The following TRPC4 variants were observed in gnomAD, a reference collection of about 807,000 sequenced individuals.
TRPC4 encodes transient receptor potential cation channel subfamily C member 4.
A neutral mutation model predicts 99.4 loss-of-function variants in TRPC4; 49 were observed. The ratio of observed to expected loss-of-function variants is 0.49; its 90% CI spans 0.39 to 0.63. TRPC4 has a LOEUF of 0.63. Among genes scored for constraint, TRPC4 ranks in the 20% least tolerant of loss-of-function variants. The probability of loss-of-function intolerance (pLI) is 0.00; values close to 1 mark genes in which losing one functional copy is unlikely to be tolerated. For missense variants in TRPC4, 898 were observed against 1,152.9 expected, an observed-to-expected ratio of 0.78 and a Z score of 3.20; for synonymous variants, 454 against 425.9, an observed-to-expected ratio of 1.07 and a Z score of -0.81.
At position 37,637,100 on chromosome 13, in the gene TRPC4, C is replaced by T. The variant is rs775168860; in HGVS notation, c.2737G>A (p.Glu913Lys). 5.5e-5 allele frequency: 89 copies of T among 1,613,636 alleles called. No individual in the cohort carries two copies. Among genetic ancestry groups the T allele is most frequent in the Non-Finnish European group, 7.4e-5 (87 of 1,179,808 alleles). The change falls in exon 11 of 11, where the codon GAA becomes AAA. Residue 913 changes from glutamate to lysine, a missense_variant. Physicochemically the swap from Glu to Lys is moderately conservative, Grantham distance 56 (BLOSUM62 1). Transcript: ENST00000379705. Reference protein sequence around the residue: ...SEQCVLVDHRERNTDTLGLQV... With the variant: ...SEQCVLVDHRKRNTDTLGLQV... ...AACCCCAGTGTGTCCGTATTCCTTT[C>T]TCTATGGTCTACTAACACACATTGT...
At chr13:37,791,657 A>G (rs1270239027) in intron 1 of TRPC4, among the ~76,000 whole-genome samples, 4 of 152,098 alleles carry the variant, frequency 2.6e-5, no homozygotes, top group Admixed American at 2.0e-4. Flanking sequence ...TAGCAAACAT[A>G]ATAATTATAA....
Position 37,741,802 on chromosome 13 carries a change from G to C in TRPC4, c.897+4135C>G, listed in dbSNP as rs191466142. 6.6e-4 allele frequency among the ~76,000 whole-genome samples: 100 copies of C among 152,148 alleles called. 1 individual carries two copies. Among genetic ancestry groups the C allele is most frequent in the Middle Eastern group, 3.4e-3 (1 of 294 alleles). On this transcript the variant is annotated intron_variant, in intron 3 of 10. Transcript: ENST00000379705. ...CCCAGTGTTCAGCAGGATGATGTCT[G>C]GGTGGAGGCAATATGGTGTGATGGT... is the stretch of plus-strand genomic sequence containing the variant.
chr13:37,852,104 A>G (rs570736964), intron 1 of TRPC4, among the ~76,000 whole-genome samples: 1 of 152,256 alleles, frequency 6.6e-6, no homozygotes, highest in African/African-American at 2.4e-5. Flanking sequence ...TGGACTCAGA[A>G]CCAGAGGACT....
At position 37,823,610 on chromosome 13, in the gene TRPC4, T is replaced by C. The variant is rs1233186818; in HGVS notation, c.-27-40250A>G. ...TATGTGGCGTTATTTCTGAGGGCTC[T>C]GTTCTGTTCCATTGATCTATATCTC... On this transcript the variant is annotated intron_variant, in intron 1 of 10. Transcript: ENST00000379705. 6.6e-5 allele frequency among the ~76,000 whole-genome samples: 10 copies of C among 151,812 alleles called. 1 individual carries two copies. The highest frequency in any genetic ancestry group is 6.6e-4 in the Admixed American group (10 of 15,208).
chr13:37,681,801 A>G (rs950701683), intron 4 of TRPC4, among the ~76,000 whole-genome samples: 1 of 152,238 alleles, frequency 6.6e-6, no homozygotes, highest in African/African-American at 2.4e-5. Flanking sequence ...AACAGAAGAC[A>G]TGATTTCTCA....
At chr13:37,846,546 G>C (rs954465322) in intron 1 of TRPC4, among the ~76,000 whole-genome samples, 1 of 151,794 alleles carries the variant, frequency 6.6e-6, no homozygotes. Context: ...AACCCACTTA[G>C]CAAAAACCCC....
chr13:37,804,044 T>C (rs1204132768), intron 1 of TRPC4, among the ~76,000 whole-genome samples: 2 of 152,134 alleles, frequency 1.3e-5, no homozygotes, highest in Non-Finnish European at 1.5e-5. Flanking sequence ...AAATCAAAAC[T>C]GTCTGGAAGG....
rs1202023756 is a variant in TRPC4, at chr13:37,636,201, G to A, written c.*702C>T. On this transcript the variant is annotated 3_prime_UTR_variant, in exon 11 of 11. Coordinates refer to ENST00000379705, the MANE Select transcript of TRPC4 (RefSeq NM_016179.4). ...CTGAAATAGGTAATTAAAAAAACTG[G>A]AGGGGCGAGTTTTTTTCCTGACAAA... 6.6e-6 allele frequency among the ~76,000 whole-genome samples: 1 copy of A among 151,860 alleles called. No homozygotes were observed. Among genetic ancestry groups the A allele is most frequent in the Non-Finnish European group, 1.5e-5 (1 of 67,960 alleles).
In TRPC4 at chr13:37,651,736, T is replaced by C. The variant is rs576992884; in HGVS notation, c.1885-277A>G. On this transcript the variant is annotated intron_variant, in intron 7 of 10. Coordinates refer to ENST00000379705, the MANE Select transcript of TRPC4 (RefSeq NM_016179.4). The stretch of plus-strand genomic sequence containing the variant: ...TGTTAAAAAGACTGCAGTAATTAGT[T>C]ATGACTTGAAGATTAGCCTGCATCT... Among the ~76,000 whole-genome samples, 15 of 152,310 alleles carry C rather than the reference T, an allele frequency of 9.8e-5. No homozygotes were observed. The East Asian group carries it at 1.2e-3, about 12-fold the overall frequency.
chr13:37,865,179 T>C (rs569942849), intron 1 of TRPC4, among the ~76,000 whole-genome samples: 2 of 151,798 alleles, frequency 1.3e-5, no homozygotes, highest in Non-Finnish European at 3.0e-5. Context: ...AGAGCTCCTC[T>C]CAAATACCAA....
chr13:37,776,806 C>A, intron 2 of TRPC4, among the ~76,000 whole-genome samples: 1 of 151,830 alleles, frequency 6.6e-6, no homozygotes, highest in South Asian at 2.1e-4. Flanking sequence ...GTAACTGAAT[C>A]TTGAAACAGC....
At chr13:37,661,303 T>C (rs1299676832) in intron 6 of TRPC4, among the ~76,000 whole-genome samples, 2 of 152,216 alleles carry the variant, frequency 1.3e-5, no homozygotes, top group African/African-American at 4.8e-5. Flanking sequence ...AATTAGTTTG[T>C]AATATGTTAT....
At chr13:37,836,004 G>C (rs1420388993) in intron 1 of TRPC4, among the ~76,000 whole-genome samples, 3 of 143,970 alleles carry the variant, frequency 2.1e-5, no homozygotes, top group Non-Finnish European at 4.7e-5. Flanking sequence ...AATCATGGGG[G>C]CAAGTCTTTC....
chr13:37,848,438 T>C (rs1958965066), intron 1 of TRPC4, among the ~76,000 whole-genome samples: 1 of 152,100 alleles, frequency 6.6e-6, no homozygotes, highest in Non-Finnish European at 1.5e-5. Context: ...TAGCAGGCAG[T>C]GAAGGAAAAC....
intron 1 of TRPC4, among the ~76,000 whole-genome samples, chr13:37,785,934 T>C (rs1342082297): frequency 6.6e-6 from 1 of 152,074 alleles, no homozygotes; most frequent in Non-Finnish European, 1.5e-5. Flanking sequence ...CAGAAGTTCA[T>C]TTTAAAAAGA....
chr13:37,783,806 G>A (rs1956905288), intron 1 of TRPC4, among the ~76,000 whole-genome samples: 2 of 152,034 alleles, frequency 1.3e-5, no homozygotes, highest in Non-Finnish European at 2.9e-5. Context: ...TTGAGATTAT[G>A]TAATACCATT....
intron 2 of TRPC4, among the ~76,000 whole-genome samples, chr13:37,773,987 C>A (rs1593710630): frequency 6.6e-6 from 1 of 151,626 alleles, no homozygotes; most frequent in East Asian, 1.9e-4. Context: ...CTTTACTCAT[C>A]CAAATATTAA....
At chr13:37,828,094 G>A (rs1011618047) in intron 1 of TRPC4, among the ~76,000 whole-genome samples, 2 of 152,214 alleles carry the variant, frequency 1.3e-5, no homozygotes, top group Admixed American at 6.5e-5. Flanking sequence ...GACCCCTTGA[G>A]CTTCCCGAGT....
At chr13:37,714,388 A>C (rs368640066) in intron 3 of TRPC4, among the ~76,000 whole-genome samples, 18 of 152,198 alleles carry the variant, frequency 1.2e-4, no homozygotes, top group African/African-American at 4.3e-4. Flanking sequence ...TGGCCTCCCA[A>C]AGCGCTGGGA....
Sources: allele counts gnomAD v4.1 joint callset (sites outside exome capture counted in the v4.1 genomes callset), GRCh38; gene constraint gnomAD v4.1.1; transcripts MANE v1.5; gene names NCBI Gene and HGNC (gene_info 2026-07-23, HGNC 2026-07-21).